RDX: variants seen among roughly 807,000 people sequenced by gnomAD.
The protein encoded by RDX is radixin.
RDX carries 32 observed loss-of-function variants against 83.7 expected under a neutral mutation model. The observed-to-expected ratio is 0.38, with a 90% CI of 0.29 to 0.51. The LOEUF (loss-of-function observed/expected upper bound fraction) is 0.51, where lower values mean the gene tolerates loss of function less well. RDX is among the 20% of genes least tolerant of loss of function. The pLI is 0.87. For synonymous variants in RDX, 229 were observed against 222.7 expected (o/e 1.03, Z -0.25); for missense variants, 600 against 689.9 (o/e 0.87, Z 1.46).
chr11:110,265,795 T>G (rs1206213810), intron 3 of RDX, among the ~76,000 whole-genome samples: 1 of 152,200 alleles, frequency 6.6e-6, no homozygotes, highest in Non-Finnish European at 1.5e-5. Flanking sequence ...ACGTGCCTTC[T>G]GTGAATAAAG....
chr11:110,217,276 A>G (rs879382793), intron 14 of RDX, among the ~76,000 whole-genome samples: 7 of 152,128 alleles, frequency 4.6e-5, no homozygotes, highest in South Asian at 2.1e-4. Flanking sequence ...GGATGGTTAA[A>G]TATCAGTAAC....
rs748208628 is a variant in RDX, at chr11:110,233,201, A to G, written c.1587+36T>C. 3.1e-6 allele frequency: 5 copies of G among 1,611,374 alleles called. No homozygotes were observed. In the South Asian group the frequency reaches 5.5e-5, roughly 18 times the overall value. ...CTAAGATGGGGAAAATGCAAACTAT[A>G]TTTCAAATGCACATACAACTGCAAA... On this transcript the variant is annotated intron_variant, in intron 13 of 13. Transcript: ENST00000645495.
intron 10 of RDX, among the ~76,000 whole-genome samples, chr11:110,238,838 T>A (rs1460398505): frequency 2.7e-5 from 4 of 150,646 alleles, no homozygotes; most frequent in Non-Finnish European, 5.9e-5. Flanking sequence ...GGCAGAAGAA[T>A]CTCTTGAACC....
At chr11:110,237,186 A>G (rs899055205) in intron 11 of RDX, among the ~76,000 whole-genome samples, 2 of 149,492 alleles carry the variant, frequency 1.3e-5, no homozygotes, top group African/African-American at 2.5e-5. Flanking sequence ...TATCTAAAGC[A>G]AAAGACGCCA....
intron 15 of RDX, chr11:110,195,763 T>C (rs1863193318): frequency 6.6e-6 from 1 of 152,230 alleles, no homozygotes; most frequent in Non-Finnish European, 1.5e-5. Flanking sequence ...TTGGAAATCC[T>C]GTCCATAGAT....
intron 7 of RDX, among the ~76,000 whole-genome samples, chr11:110,257,093 G>A (rs1859575270): frequency 6.6e-6 from 1 of 151,476 alleles, no homozygotes; most frequent in South Asian, 2.1e-4. Context: ...ATGTGTATGT[G>A]TATAATATAC....
intron 9 of RDX, among the ~76,000 whole-genome samples, chr11:110,250,868 T>C (rs1057494230): frequency 3.3e-5 from 5 of 152,218 alleles, no homozygotes; most frequent in Non-Finnish European, 5.9e-5. Flanking sequence ...TTCATTCAAA[T>C]AATACAAATG....
At chr11:110,219,416 G>A (rs1005733211) in intron 14 of RDX, among the ~76,000 whole-genome samples, 3 of 152,194 alleles carry the variant, frequency 2.0e-5, no homozygotes, top group African/African-American at 7.2e-5. Flanking sequence ...GAAGGATTTT[G>A]AGCACAAGTG....
chr11:110,187,003 C>A (rs956376930), intron 15 of RDX, among the ~76,000 whole-genome samples: 5 of 152,222 alleles, frequency 3.3e-5, no homozygotes, highest in Admixed American at 2.0e-4. Flanking sequence ...TGGAACTGTG[C>A]TCTCCTCTGT....
At chr11:110,246,147 C>G (rs1261947879) in intron 10 of RDX, among the ~76,000 whole-genome samples, 1 of 152,188 alleles carries the variant, frequency 6.6e-6, no homozygotes, top group Non-Finnish European at 1.5e-5. Context: ...CCTCCTGCCT[C>G]AACCTCCTAA....
intron 5 of RDX, among the ~76,000 whole-genome samples, chr11:110,259,340 A>G (rs1441650108): frequency 1.3e-5 from 2 of 152,208 alleles, no homozygotes; most frequent in African/African-American, 4.8e-5. Context: ...TGTGACTTCT[A>G]TTCTCTTTGG....
chr11:110,247,673 T>C (rs1859162977), intron 10 of RDX, 30 bp downstream of exon 10: 2 of 1,605,326 alleles, frequency 1.2e-6, no homozygotes, highest in East Asian at 4.5e-5. Context: ...ATAATAATTT[T>C]TAATCCATTT....
At chr11:110,222,939 C>T (rs7936488) in intron 14 of RDX, among the ~76,000 whole-genome samples, 59,003 of 152,014 alleles carry the variant, frequency 0.39, 11,709 homozygotes, top group East Asian at 0.6. Flanking sequence ...TTAAGAAACC[C>T]AAGTGAGCTA....
At chr11:110,227,375 A>C (rs1417458215), downstream of RDX, among the ~76,000 whole-genome samples, 1 of 152,172 alleles carries the variant, frequency 6.6e-6, no homozygotes, top group Non-Finnish European at 1.5e-5. Context: ...AAAAACTAAA[A>C]CCAGTATCAC....
downstream of RDX, among the ~76,000 whole-genome samples, chr11:110,225,406 C>A (rs1864398510): frequency 6.6e-6 from 1 of 152,014 alleles, no homozygotes; most frequent in African/African-American, 2.4e-5. Context: ...ATAAAGAATT[C>A]CTACAACAGA....
intron 15 of RDX, among the ~76,000 whole-genome samples, chr11:110,180,938 T>G (rs1213437846): frequency 1.3e-5 from 2 of 152,184 alleles, no homozygotes; most frequent in Admixed American, 1.3e-4. Flanking sequence ...ACTGTGTGGC[T>G]CCTTTATCGC....
In RDX at chr11:110,236,096, T is replaced by A. The variant is rs1249817560; in HGVS notation, c.1344+3A>T. The A allele has an allele frequency of 6.3e-7, 1 of 1,599,538 alleles. No homozygotes were observed. The highest frequency in any genetic ancestry group is 8.6e-7 in the Non-Finnish European group (1 of 1,168,482). ...AAAAGCTAGTAAATGAATAAATGAT[T>A]ACTTTGTGTTGCCACTCAGTAGCTT... On this transcript the variant is annotated splice_donor_region_variant and intron_variant, in intron 12 of 13. Transcript: ENST00000645495.
At chr11:110,198,066 T>C (rs576866774) in intron 15 of RDX, among the ~76,000 whole-genome samples, 4 of 152,306 alleles carry the variant, frequency 2.6e-5, no homozygotes, top group South Asian at 4.1e-4. Flanking sequence ...ATGTGACCAT[T>C]TTTTTGTCAC....
chr11:110,199,711 A>T, intron 14 of RDX: 1 of 702,996 alleles, frequency 1.4e-6, no homozygotes. Flanking sequence ...ATTAGAAAGC[A>T]TTTAGCAAAA....
Sources: gnomAD v4.1 joint callset for allele counts (sites outside exome capture counted in the v4.1 genomes callset) on GRCh38, gnomAD v4.1.1 for gene constraint, MANE v1.5 for transcripts, NCBI Gene and HGNC (gene_info 2026-07-23, HGNC 2026-07-21) for gene names.